ZNF91: variants seen among roughly 807,000 people sequenced by gnomAD.
ZNF91 encodes the protein zinc finger protein 91 (HPF7, HTF10).
A neutral mutation model predicts 12.6 loss-of-function variants in ZNF91; 7 were observed. The ratio of observed to expected loss-of-function variants is 0.55; its 90% CI spans 0.31 to 1.04. The LOEUF (loss-of-function observed/expected upper bound fraction) is 1.04, where lower values mean the gene tolerates loss of function less well. Among genes scored for constraint, ZNF91 ranks in the 50% least tolerant of loss-of-function variants. The pLI, the probability that ZNF91 is intolerant of heterozygous loss-of-function variation, is 0.05. For missense variants in ZNF91, 1,217 were observed against 1,385.4 expected (o/e 0.88, Z 1.93); for synonymous variants, 453 against 462.6 (o/e 0.98, Z 0.27).
chr19:23,361,864 T>C lies in ZNF91; in HGVS notation c.1115A>G (p.His372Arg), dbSNP rs1481362832. Residue 372 changes from histidine to arginine, a missense_variant, in exon 4 of 4, where the codon CAT becomes CGT. Physicochemically the swap from His to Arg is conservative, Grantham distance 29. Transcript: ENST00000300619. ...SSTLANHKIT[H>R]TEEKPYKCKE... ...ACATTTGTAGGGTTTCTCTTCAGTA[T>C]GAGTTATCTTATGATTAGCAAGGGT... The C allele has an allele frequency of 6.2e-7, 1 of 1,612,832 alleles. No homozygotes were observed. The highest frequency in any genetic ancestry group is 1.3e-5 in the African/African-American group (1 of 74,786).
intron 1 of ZNF91, among the ~76,000 whole-genome samples, chr19:23,376,940 T>G (rs1471969051): frequency 6.6e-6 from 1 of 152,168 alleles, no homozygotes; most frequent in Non-Finnish European, 1.5e-5. Context: ...CTTTAATAAT[T>G]TGAGCACATG....
intron 1 of ZNF91, among the ~76,000 whole-genome samples, chr19:23,381,521 G>C (rs529896067): frequency 1.3e-4 from 20 of 150,764 alleles, no homozygotes; most frequent in African/African-American, 4.9e-4. Context: ...GAGTGCAACG[G>C]CATGATCTCG....
chr19:23,329,962 G>C (rs186597590), intron 1 of ZNF91, among the ~76,000 whole-genome samples: 187 of 152,234 alleles, frequency 1.2e-3, no homozygotes, highest in African/African-American at 4.0e-3. Flanking sequence ...AAAAATATCT[G>C]TCTCACTTGG....
chr19:23,321,045 G>T (rs183079592), intron 1 of ZNF91, among the ~76,000 whole-genome samples: 1 of 152,276 alleles, frequency 6.6e-6, no homozygotes, highest in Admixed American at 6.5e-5. Context: ...TTGAGATTGT[G>T]ACTCATGTAC....
At chr19:23,375,163 A>ATT (rs377328598) in intron 1 of ZNF91, among the ~76,000 whole-genome samples, 1 of 146,140 alleles carries the variant, frequency 6.8e-6, no homozygotes, top group Non-Finnish European at 1.5e-5. Context: ...ACCACTCAAA[A>ATT]TTTTTTTTTT....
chr19:23,374,664 T>C lies in ZNF91; in HGVS notation c.131A>G (p.Glu44Gly). Residue 44 changes from glutamate (E) to glycine (G), a missense_variant, in exon 2 of 4, where the codon GAG (glutamate) becomes GGG (glycine). Physicochemically the swap from Glu to Gly is moderately conservative, Grantham distance 98. Transcript: ENST00000300619. ...QQNLYRNVML[E>G]NYRNLAFLGI... ...CAGGAAGGCCAGGTTTCTGTAGTTC[T>C]CTAACATCACATTCCTATATAAATT... The C allele has an allele frequency of 6.2e-7, 1 of 1,612,218 alleles. No individual in the cohort carries two copies. The highest frequency in any genetic ancestry group is 8.5e-7 in the Non-Finnish European group (1 of 1,178,928).
downstream of ZNF91, among the ~76,000 whole-genome samples, chr19:23,354,338 C>T (rs1460212964): frequency 6.6e-6 from 1 of 151,958 alleles, no homozygotes; most frequent in Non-Finnish European, 1.5e-5. Context: ...ATGTGATACA[C>T]CACATAAATA....
intron 3 of ZNF91, among the ~76,000 whole-genome samples, chr19:23,367,288 T>C (rs1969054820): frequency 6.6e-6 from 1 of 152,164 alleles, no homozygotes; most frequent in Non-Finnish European, 1.5e-5. Context: ...TAAGATCCTG[T>C]CTTCAAACAA....
At chr19:23,383,137 C>T (rs1356200143) in intron 1 of ZNF91, among the ~76,000 whole-genome samples, 2 of 152,078 alleles carry the variant, frequency 1.3e-5, no homozygotes, top group African/African-American at 4.8e-5. Flanking sequence ...AAAAGCTAAC[C>T]CACTATGAGC....
intron 3 of ZNF91, among the ~76,000 whole-genome samples, chr19:23,363,421 G>A (rs866945850): frequency 3.9e-5 from 6 of 152,122 alleles, no homozygotes; most frequent in African/African-American, 1.2e-4. Context: ...AAGGAAACAG[G>A]CATAGCAAGT....
chr19:23,385,080 C>CA lies in ZNF91; in HGVS notation c.30+10244dup. 3.1e-6 allele frequency: 3 copies of CA among 957,412 alleles called. No individual in the cohort carries two copies. The South Asian group carries it at 4.0e-5, about 13-fold the overall frequency. 59.3% of individuals were successfully genotyped at this position (957,412 alleles called of 1,614,324 possible). On this transcript the variant is annotated intron_variant, in intron 1 of 3. Transcript: ENST00000300619. ...GTTCCGCATCTCAGTCCAGACAGGG[C>CA]AGGGACAGCCACTCCTCCAACCTGT... is the stretch of plus-strand genomic sequence containing the variant.
rs537011756 is a variant in ZNF91, at chr19:23,349,422, TG to T, written c.254-10369del. On this transcript the variant is annotated intron_variant, in intron 3 of 3. Transcript: ENST00000599743. Reference sequence around the variant, plus strand: ...CAGAAAATAACCTACATTGAAATATTGGGGGCTGGTTCCCCCGATAGCCAAA... The same window carrying T: ...CAGAAAATAACCTACATTGAAATATTGGGGCTGGTTCCCCCGATAGCCAAA... Among the ~76,000 whole-genome samples, 39 of 152,254 alleles carry T rather than the reference TG, an allele frequency of 2.6e-4. No individual in the cohort carries two copies. The South Asian group carries it at 8.1e-3, about 32-fold the overall frequency.
At chr19:23,323,281 C>G (rs1165528679) in intron 1 of ZNF91, among the ~76,000 whole-genome samples, 2 of 145,250 alleles carry the variant, frequency 1.4e-5, no homozygotes, top group Non-Finnish European at 3.0e-5. Flanking sequence ...TCTTTCTTCT[C>G]TCCTCCTCCC....
upstream of ZNF91, among the ~76,000 whole-genome samples, chr19:23,313,351 C>T (rs558298592): frequency 7.2e-5 from 11 of 152,298 alleles, no homozygotes; most frequent in East Asian, 5.8e-4. Context: ...TTGGAACTCA[C>T]TTCTCCTGCC....
At chr19:23,341,410 TTA>T (rs1344535626) in intron 3 of ZNF91, among the ~76,000 whole-genome samples, 14 of 152,154 alleles carry the variant, frequency 9.2e-5, no homozygotes, top group African/African-American at 3.4e-4. Context: ...AAATAGTTTA[TTA>T]TATGAAAATG....
At position 23,374,661 on chromosome 19, in the gene ZNF91, T is replaced by G. The variant is rs771087533; in HGVS notation, c.134A>C (p.Asn45Thr). 1.2e-6 allele frequency: 2 copies of G among 1,612,710 alleles called. No individual in the cohort carries two copies. Among genetic ancestry groups the G allele is most frequent in the East Asian group, 2.2e-5 (1 of 44,846 alleles). Residue 45 changes from asparagine (N) to threonine (T), a missense_variant, in exon 2 of 4, where the codon AAC becomes ACC. Physicochemically the swap from Asn to Thr is moderately conservative, Grantham distance 65. Coordinates refer to ENST00000300619, the MANE Select transcript of ZNF91 (RefSeq NM_003430.4). ...ACCCAGGAAGGCCAGGTTTCTGTAG[T>G]TCTCTAACATCACATTCCTATATAA... Reference protein sequence around the residue: ...QNLYRNVMLENYRNLAFLGIA... With the variant: ...QNLYRNVMLETYRNLAFLGIA...
chr19:23,368,556 CTCTCTCTA>C (rs1304080215), intron 3 of ZNF91, among the ~76,000 whole-genome samples: 7 of 117,818 alleles, frequency 5.9e-5, no homozygotes, highest in African/African-American at 1.7e-4. Context: ...CTCTCTCTCT[CTCTCTCTA>C]TATATATATG....
In ZNF91 at chr19:23,373,825, G is replaced by A. The variant is rs745793518; in HGVS notation, c.170C>T (p.Ser57Phe). Residue 57 changes from serine to phenylalanine, a missense_variant, in exon 3 of 4, where the codon TCT becomes TTT. Transcript: ENST00000300619. Reference sequence around the variant, plus strand: ...CAGATAAGTAATCAGGTCTGGCTTAGAGAGAGCAATACCTGTTTTATTAAA... The same window carrying A: ...CAGATAAGTAATCAGGTCTGGCTTAAAGAGAGCAATACCTGTTTTATTAAA... ...RNLAFLGIAL[S>F]KPDLITYLEQ... 16 of 1,604,198 alleles carry A rather than the reference G, an allele frequency of 1.0e-5. No homozygotes were observed. The highest frequency in any genetic ancestry group is 1.7e-4 in the Middle Eastern group (1 of 6,032).
rs1968558501 is a variant in ZNF91, at chr19:23,358,500, C to CT, written c.*902dup. 6.6e-6 allele frequency: 1 copy of CT among 152,128 alleles called. No individual in the cohort carries two copies. The highest frequency in any genetic ancestry group is 1.5e-5 in the Non-Finnish European group (1 of 68,020). 9.4% of individuals were successfully genotyped at this position (152,128 alleles called of 1,614,324 possible). On this transcript the variant is annotated 3_prime_UTR_variant, in exon 4 of 4. Coordinates refer to ENST00000300619, the MANE Select transcript of ZNF91 (RefSeq NM_003430.4). ...TGCTTTTTCAAAATACTCTTCTGTA[C>CT]TTTAAAGACATATTTTCTGATCAGT...
Sources: allele counts gnomAD v4.1 joint callset (sites outside exome capture counted in the v4.1 genomes callset), GRCh38; gene constraint gnomAD v4.1.1; transcripts MANE v1.5; gene names NCBI Gene and HGNC (gene_info 2026-07-23, HGNC 2026-07-21).